Variants in TRAF3IP3 observed in about 807,000 individuals in gnomAD.
TRAF3IP3 encodes TRAF3-interacting JNK-activating modulator.
In TRAF3IP3, 64 loss-of-function variants were observed where a neutral mutation model predicts 86.5. The observed-to-expected ratio is 0.74, with a 90% CI of 0.60 to 0.91. The LOEUF (loss-of-function observed/expected upper bound fraction) is 0.91, where lower values mean the gene tolerates loss of function less well. TRAF3IP3 is among the 40% of genes least tolerant of loss of function. TRAF3IP3 has a pLI of 0.00. For synonymous variants in TRAF3IP3, 220 were observed against 243.9 expected (o/e 0.90, Z 0.91); for missense variants, 579 against 642.9 (o/e 0.90, Z 1.07).
chr1:209,782,170 G>A lies in TRAF3IP3; in HGVS notation c.*22G>A. Reference sequence around the variant, plus strand: ...CTGAATAATTTGTGACAACTGCCTTGGGTGAAAATCAGAAGCAAGCAACTC... The same window carrying A: ...CTGAATAATTTGTGACAACTGCCTTAGGTGAAAATCAGAAGCAAGCAACTC... On this transcript the variant is annotated 3_prime_UTR_variant, in exon 17 of 17. Transcript: ENST00000367025. The A allele has an allele frequency of 6.3e-7, 1 of 1,598,682 alleles. No homozygotes were observed.
chr1:209,779,501 T>G, intron 14 of TRAF3IP3, 127 bp downstream of exon 14: 1 of 801,028 alleles, frequency 1.2e-6, no homozygotes, highest in Non-Finnish European at 2.2e-6. Context: ...GTCCGGGATG[T>G]GTGGGAGCTT....
At chr1:209,770,954 AT>A (rs2077483639) in intron 8 of TRAF3IP3, among the ~76,000 whole-genome samples, 1 of 132,692 alleles carries the variant, frequency 7.5e-6, no homozygotes, top group South Asian at 2.5e-4. Context: ...GTGCGTGTGC[AT>A]GTGGAGGGGT....
chr1:209,772,935 C>A lies in TRAF3IP3; in HGVS notation c.703-13C>A. 1 of 1,613,256 alleles carries A rather than the reference C, an allele frequency of 6.2e-7. No individual in the cohort carries two copies. Among genetic ancestry groups the A allele is most frequent in the South Asian group, 1.1e-5 (1 of 90,904 alleles). ...TTTGCCCCAAGCTCATTAACTCATC[C>A]CATTTGCTCCAGGGACAGCTTAATG... On this transcript the variant is annotated splice_polypyrimidine_tract_variant and intron_variant, in intron 8 of 16. Coordinates refer to ENST00000367025, the MANE Select transcript of TRAF3IP3 (RefSeq NM_025228.4).
chr1:209,781,269 C>A (rs924712316), intron 15 of TRAF3IP3, 76 bp from the exon 16 acceptor site: 5 of 942,360 alleles, frequency 5.3e-6, no homozygotes, highest in African/African-American at 4.9e-5. Flanking sequence ...GTGAAACTTA[C>A]AAAGGGCAGT....
chr1:209,767,195 T>C (rs1443504670), intron 8 of TRAF3IP3, among the ~76,000 whole-genome samples: 1 of 152,160 alleles, frequency 6.6e-6, no homozygotes, highest in East Asian at 1.9e-4. Flanking sequence ...CCCATATATG[T>C]ATATATATAA....
In TRAF3IP3 at chr1:209,778,266, C is replaced by T. The variant is rs764372094; in HGVS notation, c.1252+93C>T. 9.6e-4 allele frequency: 936 copies of T among 976,054 alleles called. 4 individuals carry two copies. The highest frequency in any genetic ancestry group is 1.4e-3 in the Non-Finnish European group (867 of 623,508). The allele number at this position is 976,054 out of a possible 1,614,324, so 60.5% of individuals were successfully genotyped here. A position where few individuals can be genotyped will look rare whatever the true frequency, so the allele number is the denominator to read the frequency against. On this transcript the variant is annotated intron_variant, in intron 13 of 16. Coordinates refer to ENST00000367025, the MANE Select transcript of TRAF3IP3 (RefSeq NM_025228.4). ...CCAGAGTAGGGACTAAGGGCCCAGT[C>T]TTTGGCATATGCTCTAACTCTGTGC...
Position 209,782,095 on chromosome 1 carries a change from A to T in TRAF3IP3, c.1603A>T (p.Ile535Phe). 1.2e-6 allele frequency: 2 copies of T among 1,614,124 alleles called. No individual in the cohort carries two copies. The highest frequency in any genetic ancestry group is 1.7e-6 in the Non-Finnish European group (2 of 1,180,010). Residue 535 changes from isoleucine (I) to phenylalanine (F), a missense_variant, in exon 17 of 17, where the codon ATT becomes TTT. Coordinates refer to ENST00000367025, the MANE Select transcript of TRAF3IP3 (RefSeq NM_025228.4). ...GRWLPVLMVV[I>F]AAALAVFLAN... The stretch of plus-strand genomic sequence containing the variant: ...ATGGCTCCCAGTGCTGATGGTGGTG[A>T]TTGCTGCAGCACTGGCAGTGTTCCT...
At chr1:209,776,636 A>G (rs988356495) in intron 11 of TRAF3IP3, 3 of 122,152 alleles carry the variant, frequency 2.5e-5, no homozygotes, top group African/African-American at 9.1e-5. Context: ...TCTTTGTGGA[A>G]AAAAAAAGAC....
At chr1:209,762,997 G>GA (rs2077274155) in intron 5 of TRAF3IP3, 71 bp from the exon 6 acceptor site, 1 of 1,597,766 alleles carries the variant, frequency 6.3e-7, no homozygotes, top group Admixed American at 1.7e-5. Context: ...TCTTCAGAAG[G>GA]AATCAACCCA....
At chr1:209,775,316 A>G (rs762903355) in intron 9 of TRAF3IP3, 33 bp from the exon 10 acceptor site, 21 of 1,580,818 alleles carry the variant, frequency 1.3e-5, no homozygotes, top group East Asian at 9.2e-5. Flanking sequence ...CAGAAGCTCA[A>G]TGTGTATTTG....
At chr1:209,766,177 T>C (rs563283999) in intron 8 of TRAF3IP3, among the ~76,000 whole-genome samples, 28 of 152,342 alleles carry the variant, frequency 1.8e-4, no homozygotes, top group South Asian at 1.5e-3. Flanking sequence ...GCCCTGCTCC[T>C]CACGTCAGAC....
Position 209,763,580 on chromosome 1 carries a change from C to A in TRAF3IP3, c.695C>A (p.Ser232Tyr). The A allele has an allele frequency of 6.2e-7, 1 of 1,613,140 alleles. No individual in the cohort carries two copies. The highest frequency in any genetic ancestry group is 8.5e-7 in the Non-Finnish European group (1 of 1,179,264). ...ACTCTGATTCAGGCCTCTGACAGCT[C>A]TTGGAAGGTAAGGGAATGAAATTCT... ...LSTLIQASDS[S>Y]WKGQLNEDKL... The change falls in exon 8 of 17, where the codon TCT (serine) becomes TAT (tyrosine). Residue 232 changes from serine (S) to tyrosine (Y), a missense_variant. Transcript: ENST00000367025.
chr1:209,770,095 G>A lies in TRAF3IP3; in HGVS notation c.703-2853G>A, dbSNP rs61217979. Among the ~76,000 whole-genome samples, 487 of 152,228 alleles carry A rather than the reference G, an allele frequency of 3.2e-3. 13 individuals carry two copies. In the East Asian group the frequency reaches 0.038, roughly 12 times the overall value. The stretch of plus-strand genomic sequence containing the variant: ...GAGAAACAGATTGGCTCTTCATGCC[G>A]GCCTTGCTCCCCTCTCGCCCTTGAG... On this transcript the variant is annotated intron_variant, in intron 8 of 16. Transcript: ENST00000367025.
chr1:209,770,901 GGTGTGC>G (rs1338062962), intron 8 of TRAF3IP3, among the ~76,000 whole-genome samples: 5 of 142,032 alleles, frequency 3.5e-5, no homozygotes, highest in African/African-American at 1.3e-4. Context: ...TGCAGGTGAA[GGTGTGC>G]GTGTGCAGGT....
intron 9 of TRAF3IP3, 104 bp downstream of exon 9, chr1:209,773,123 A>G: frequency 5.1e-6 from 5 of 979,852 alleles, no homozygotes; most frequent in Non-Finnish European, 7.5e-6. Context: ...CAGATAGAGA[A>G]TAACACACCC....
At position 209,780,887 on chromosome 1, in the gene TRAF3IP3, G is replaced by A. The variant is rs947413818; in HGVS notation, c.1449+281G>A. On this transcript the variant is annotated intron_variant, in intron 15 of 16. Coordinates refer to ENST00000367025, the MANE Select transcript of TRAF3IP3 (RefSeq NM_025228.4). ...AAAAATATTAACTTCTCAATATGTC[G>A]TCCCACATTGAGTATCTTAAGTCTT... The A allele has an allele frequency of 5.2e-5, 11 of 211,708 alleles. No homozygotes were observed. The East Asian group carries it at 8.1e-4, about 16-fold the overall frequency. The allele number at this position is 211,708 out of a possible 1,614,324, so 13.1% of individuals were successfully genotyped here.
intron 11 of TRAF3IP3, chr1:209,776,449 G>A (rs1249506229): frequency 6.6e-6 from 1 of 152,132 alleles, no homozygotes; most frequent in African/African-American, 2.4e-5. Context: ...TTTTCCTGAA[G>A]CAGGGCTCAG....
chr1:209,765,594 G>C (rs910581066), intron 8 of TRAF3IP3, among the ~76,000 whole-genome samples: 7 of 152,168 alleles, frequency 4.6e-5, no homozygotes, highest in African/African-American at 1.2e-4. Context: ...TTACGTCCCA[G>C]GGGTGGAGGT....
intron 8 of TRAF3IP3, among the ~76,000 whole-genome samples, chr1:209,765,367 C>T (rs1420683394): frequency 1.3e-5 from 2 of 152,098 alleles, no homozygotes; most frequent in African/African-American, 4.8e-5. Context: ...ACCTGAATTA[C>T]ATGTTTTAAG....
Sources: allele counts gnomAD v4.1 joint callset (sites outside exome capture counted in the v4.1 genomes callset), GRCh38; gene constraint gnomAD v4.1.1; transcripts MANE v1.5; gene names NCBI Gene and HGNC (gene_info 2026-07-23, HGNC 2026-07-21).